The following ZCCHC14 variants were observed in gnomAD, a reference collection of about 807,000 sequenced individuals.
ZCCHC14 encodes the protein zinc finger CCHC domain-containing protein 14.
ZCCHC14 carries 16 observed loss-of-function variants against 85.0 expected under a neutral mutation model. The ratio of observed to expected loss-of-function variants is 0.19; its 90% CI spans 0.13 to 0.29. The LOEUF is 0.29. ZCCHC14 is among the 10% of genes least tolerant of loss of function. ZCCHC14 has a pLI of 1.00. For synonymous variants in ZCCHC14, 775 were observed against 630.7 expected, an observed-to-expected ratio of 1.23 and a Z score of -3.43; for missense variants, 1,303 against 1,443.5, an observed-to-expected ratio of 0.90 and a Z score of 1.58.
chr16:87,467,045 GTTTTT>G, intron 1 of ZCCHC14: 52 of 279,008 alleles, frequency 1.9e-4, no homozygotes, highest in East Asian at 3.5e-4. Context: ...AAAAAAAATT[GTTTTT>G]TTTTTTTTTT....
intron 9 of ZCCHC14, among the ~76,000 whole-genome samples, chr16:87,414,823 G>A (rs998168220): frequency 2.0e-5 from 3 of 152,250 alleles, no homozygotes; most frequent in African/African-American, 7.2e-5. Flanking sequence ...GCTCAGGCCT[G>A]TAATCCCAGC....
At chr16:87,433,054 G>A (rs1405626730) in intron 3 of ZCCHC14, 74 bp downstream of exon 3, 1 of 1,493,684 alleles carries the variant, frequency 6.7e-7, no homozygotes, top group Non-Finnish European at 9.3e-7. Flanking sequence ...TAGCTAGGAA[G>A]GAAAAGCATC....
chr16:87,458,836 G>C (rs1033645564), intron 2 of ZCCHC14, among the ~76,000 whole-genome samples: 2 of 152,176 alleles, frequency 1.3e-5, no homozygotes, highest in African/African-American at 2.4e-5. Context: ...TGCGGACACA[G>C]CCGGCCTCGG....
intron 1 of ZCCHC14, among the ~76,000 whole-genome samples, chr16:87,476,796 C>G (rs535156583): frequency 6.6e-6 from 1 of 151,684 alleles, no homozygotes; most frequent in Admixed American, 6.6e-5. Context: ...ACGGTCATAC[C>G]GCACAAACCC....
rs1909040927 is a variant in ZCCHC14 at position 87,420,563 on chromosome 16, C to T, written c.950+44G>A. Reference sequence around the variant, plus strand: ...AGCATTGACCACAGGACCAGCCTGTCCTTGCCAGCTGTGGACGCGCCGGGT... The same window carrying T: ...AGCATTGACCACAGGACCAGCCTGTTCTTGCCAGCTGTGGACGCGCCGGGT... On this transcript the variant is annotated intron_variant, in intron 5 of 12. Coordinates refer to ENST00000671377, the MANE Select transcript of ZCCHC14 (RefSeq NM_015144.3). The surrounding 1 kb of genome is among the most constrained non-coding windows in gnomAD (Gnocchi z 5.0). 6.6e-7 allele frequency: 1 copy of T among 1,520,902 alleles called. No individual in the cohort carries two copies. Among genetic ancestry groups the T allele is most frequent in the African/African-American group, 1.4e-5 (1 of 73,134 alleles). 94.2% of individuals were successfully genotyped at this position (1,520,902 alleles called of 1,614,324 possible). A position where few individuals can be genotyped will look rare whatever the true frequency, so the allele number is the denominator to read the frequency against.
intron 2 of ZCCHC14, among the ~76,000 whole-genome samples, chr16:87,443,327 T>G (rs1166567686): frequency 3.3e-5 from 5 of 152,160 alleles, no homozygotes; most frequent in African/African-American, 7.2e-5. Flanking sequence ...CACTGCTGCT[T>G]CCAAGAAACC....
chr16:87,484,262 C>CCGT (rs1912414992), intron 1 of ZCCHC14, among the ~76,000 whole-genome samples: 1 of 152,236 alleles, frequency 6.6e-6, no homozygotes, highest in African/African-American at 2.4e-5. Flanking sequence ...GGGTGCCCTT[C>CCGT]CGTGCCATCT....
rs188224407 is a variant in ZCCHC14, at chr16:87,467,813, G to A, written c.571-7682C>T. ...ACTACAGGCGCGCACCACCACGCCCGGCTAATTTTTTGTATTTTTAGTAGA... is the reference window on the plus strand; with the variant it reads ...ACTACAGGCGCGCACCACCACGCCCAGCTAATTTTTTGTATTTTTAGTAGA... On this transcript the variant is annotated intron_variant, in intron 1 of 12. Coordinates refer to ENST00000671377, the MANE Select transcript of ZCCHC14 (RefSeq NM_015144.3). Among the ~76,000 whole-genome samples, 771 of 152,198 alleles carry A rather than the reference G, an allele frequency of 5.1e-3. 8 individuals carry two copies. The highest frequency in any genetic ancestry group is 6.3e-3 in the Admixed American group (96 of 15,284).
intron 2 of ZCCHC14, among the ~76,000 whole-genome samples, chr16:87,443,865 A>C (rs1023970947): frequency 1.3e-5 from 2 of 152,072 alleles, no homozygotes; most frequent in Non-Finnish European, 2.9e-5. Context: ...GGGGAAACCC[A>C]ATCTCTACTA....
intron 1 of ZCCHC14, among the ~76,000 whole-genome samples, chr16:87,482,667 C>A (rs538916596): frequency 6.6e-6 from 1 of 152,204 alleles, no homozygotes; most frequent in African/African-American, 2.4e-5. Flanking sequence ...TGAAGCAGAA[C>A]GCAGGGTCCA....
At chr16:87,447,168 A>G (rs931477210) in intron 2 of ZCCHC14, among the ~76,000 whole-genome samples, 4 of 152,120 alleles carry the variant, frequency 2.6e-5, no homozygotes, top group African/African-American at 9.7e-5. Context: ...AGACACATAC[A>G]TATTCTTAAA....
chr16:87,440,596 C>CT (rs1910135752), intron 2 of ZCCHC14, among the ~76,000 whole-genome samples: 2 of 152,076 alleles, frequency 1.3e-5, no homozygotes, highest in African/African-American at 2.4e-5. Flanking sequence ...AAACTGATTC[C>CT]TCACAACAAA....
chr16:87,480,783 A>G (rs1912232008), intron 1 of ZCCHC14, among the ~76,000 whole-genome samples: 2 of 152,222 alleles, frequency 1.3e-5, no homozygotes, highest in African/African-American at 4.8e-5. Context: ...GGTCTAGGAT[A>G]AGGATGCAAC....
chr16:87,457,093 C>T (rs1486844363), intron 2 of ZCCHC14, among the ~76,000 whole-genome samples: 2 of 152,170 alleles, frequency 1.3e-5, no homozygotes, highest in Non-Finnish European at 2.9e-5. Context: ...TCAGCCACAC[C>T]CACGAGGGGC....
rs533194657 is a variant in ZCCHC14 at position 87,460,162 on chromosome 16, T to G, written c.571-31A>C. 3 of 1,610,614 alleles carry G rather than the reference T, an allele frequency of 1.9e-6. No homozygotes were observed. In the East Asian group the frequency reaches 6.7e-5, roughly 36 times the overall value. ...GGAACAGAAACAGAATCATCTTATT[T>G]TCTCCCACGGAGTTAATAGGGGACA... On this transcript the variant is annotated intron_variant, in intron 1 of 12. Transcript: ENST00000671377.
chr16:87,485,738 C>T (rs892482980), intron 1 of ZCCHC14, among the ~76,000 whole-genome samples: 1 of 152,094 alleles, frequency 6.6e-6, no homozygotes, highest in Non-Finnish European at 1.5e-5. Context: ...TGCCCCAGCG[C>T]GAGTACCTCT....
At chr16:87,457,935 G>A (rs916887530) in intron 2 of ZCCHC14, among the ~76,000 whole-genome samples, 10 of 152,136 alleles carry the variant, frequency 6.6e-5, no homozygotes, top group African/African-American at 2.4e-4. Context: ...GGTATTTTAA[G>A]CACTGTGGGG....
rs1909032301 is a variant in ZCCHC14 at position 87,420,411 on chromosome 16, A to G, written c.950+196T>C. Among the ~76,000 whole-genome samples, 1 of 152,030 alleles carries G rather than the reference A, an allele frequency of 6.6e-6. No individual in the cohort carries two copies. The highest frequency in any genetic ancestry group is 6.6e-5 in the Admixed American group (1 of 15,252). On this transcript the variant is annotated intron_variant, in intron 5 of 12. Transcript: ENST00000671377. The surrounding 1 kb of genome is among the most constrained non-coding windows in gnomAD (Gnocchi z 5.0). ...CACCCTGGAATTCCCTTCCTCACACACTCAGAACCACTCTCAGCTTACTGA... is the reference window on the plus strand; with the variant it reads ...CACCCTGGAATTCCCTTCCTCACACGCTCAGAACCACTCTCAGCTTACTGA...
chr16:87,492,218 C>G lies in ZCCHC14; in HGVS notation c.21G>C (p.Pro7=). The G allele has an allele frequency of 1.0e-6, 1 of 984,414 alleles. No homozygotes were observed. Among genetic ancestry groups the G allele is most frequent in the South Asian group, 4.7e-5 (1 of 21,282 alleles). 61.0% of individuals were successfully genotyped at this position (984,414 alleles called of 1,614,324 possible). The change falls in exon 1 of 13, where the codon CCG becomes CCC. Residue 7 remains proline, a synonymous_variant. Transcript: ENST00000671377. This position sits in a 1 kb window ranked among gnomAD's most constrained non-coding sequence, Gnocchi z 6.7. MVEKRC[P]LQRDGVYRWF... ...AGCGGTACACGCCGTCCCTCTGCAG[C>G]GGGCAGCGCTTCTCCACCATGCTGC...
Sources: allele counts gnomAD v4.1 joint callset (sites outside exome capture counted in the v4.1 genomes callset), GRCh38; gene constraint gnomAD v4.1.1; non-coding constraint Gnocchi (gnomAD v3.1); transcripts MANE v1.5; gene names NCBI Gene and HGNC (gene_info 2026-07-23, HGNC 2026-07-21).